PLB1: variants seen among roughly 807,000 people sequenced by gnomAD.
PLB1 encodes the protein phospholipase B1, membrane-associated.
Under a neutral mutation model 227.4 loss-of-function variants are expected in PLB1, and 242 were observed. The ratio of observed to expected loss-of-function variants is 1.06; its 90% CI spans 0.96 to 1.18. PLB1 has a LOEUF of 1.18. Among genes scored for constraint, PLB1 ranks in the 50% most tolerant of loss-of-function variants. PLB1 has a pLI of 0.00. For synonymous variants in PLB1, 757 were observed against 682.2 expected (o/e 1.11, Z -1.71); for missense variants, 1,858 against 1,816.3 (o/e 1.02, Z -0.42).
intron 11 of PLB1, among the ~76,000 whole-genome samples, chr2:28,539,918 C>G (rs1672230469): frequency 6.6e-6 from 1 of 151,256 alleles, no homozygotes; most frequent in African/African-American, 2.4e-5. Context: ...ATATCTACCC[C>G]CCAGGAAAAG....
At chr2:28,621,666 A>G (rs1429517621) in intron 49 of PLB1, among the ~76,000 whole-genome samples, 9 of 152,190 alleles carry the variant, frequency 5.9e-5, no homozygotes, top group Admixed American at 5.2e-4. Context: ...GGGAAACGAC[A>G]CTGGCTTGAC....
rs1430234145 is a variant in PLB1 at position 28,585,816 on chromosome 2, C to T, written c.1789C>T (p.Leu597Phe). The T allele has an allele frequency of 6.2e-7, 1 of 1,611,588 alleles. No homozygotes were observed. Among genetic ancestry groups the T allele is most frequent in the South Asian group, 1.1e-5 (1 of 91,016 alleles). The change falls in exon 26 of 58, where the codon CTC (leucine) becomes TTC (phenylalanine). Residue 597 changes from leucine to phenylalanine, a missense_variant. Coordinates refer to ENST00000327757, the MANE Select transcript of PLB1 (RefSeq NM_153021.5). ...FDDNSTELAT[L>F]IEFNKKFQEK... ...TGATAACTCAACAGAACTTGCTACC[C>T]TCATCGAATTCAACAAGAAGTTTCA...
chr2:28,618,243 G>A, intron 45 of PLB1, 98 bp from the exon 46 acceptor site: 1 of 1,097,132 alleles, frequency 9.1e-7, no homozygotes, highest in African/African-American at 1.5e-5. Flanking sequence ...GTACAATGGG[G>A]AGCAGTGGGA....
At position 28,603,959 on chromosome 2, in the gene PLB1, T is replaced by C; in HGVS notation, c.2775-7T>C. On this transcript the variant is annotated splice_region_variant and splice_polypyrimidine_tract_variant and intron_variant, in intron 39 of 57. Transcript: ENST00000327757. ...CTGGGGCCTCCTGCCTCCCCCTCTTTGTGCAGCGTTTTGTGTAACTGCGTT... is the reference window on the plus strand; with the variant it reads ...CTGGGGCCTCCTGCCTCCCCCTCTTCGTGCAGCGTTTTGTGTAACTGCGTT... 6.2e-7 allele frequency: 1 copy of C among 1,613,948 alleles called. No individual in the cohort carries two copies. The highest frequency in any genetic ancestry group is 8.5e-7 in the Non-Finnish European group (1 of 1,179,806).
chr2:28,544,126 G>A (rs1202365559), intron 14 of PLB1, among the ~76,000 whole-genome samples: 1 of 152,210 alleles, frequency 6.6e-6, no homozygotes, highest in African/African-American at 2.4e-5. Flanking sequence ...CAGCACACAT[G>A]AGCCAGTGTG....
chr2:28,566,622 G>A, intron 19 of PLB1, 174 bp from the exon 20 acceptor site: 1 of 628,554 alleles, frequency 1.6e-6, no homozygotes, highest in Non-Finnish European at 2.9e-6. Flanking sequence ...TATGGGGAGG[G>A]GAGTCGTATT....
At position 28,601,968 on chromosome 2, in the gene PLB1, G is replaced by T. The variant is rs369271747; in HGVS notation, c.2673+4G>T. 9 of 1,608,424 alleles carry T rather than the reference G, an allele frequency of 5.6e-6. No individual in the cohort carries two copies. The highest frequency in any genetic ancestry group is 7.7e-6 in the Non-Finnish European group (9 of 1,174,954). On this transcript the variant is annotated splice_donor_region_variant and intron_variant, in intron 38 of 57. Coordinates refer to ENST00000327757, the MANE Select transcript of PLB1 (RefSeq NM_153021.5). ...CTTGGACGTCCTGCATAGAGAGGTG[G>T]GTGGGGGGCTTCCACAAGCTGGTAA...
intron 54 of PLB1, among the ~76,000 whole-genome samples, chr2:28,631,648 C>T (rs576540930): frequency 6.6e-6 from 1 of 152,274 alleles, no homozygotes; most frequent in Non-Finnish European, 1.5e-5. Context: ...GACCTGCAGC[C>T]CCATGTTCTA....
Position 28,550,016 on chromosome 2 carries a change from C to T in PLB1, c.1015C>T (p.Pro339Ser), listed in dbSNP as rs758404322. The T allele has an allele frequency of 1.9e-5, 30 of 1,612,650 alleles. No individual in the cohort carries two copies. The highest frequency in any genetic ancestry group is 2.5e-5 in the Non-Finnish European group (29 of 1,178,864). ...RPMKCPSQES[P>S]YLFSYRNSNY... ...ATGTCACCTTTCCCTGCAGGAGAGC[C>T]CCTATCTGTTCAGCTACAGAAACAG... Residue 339 changes from proline to serine, a missense_variant, in exon 16 of 58, where the codon CCC becomes TCC. By Grantham distance (74) the Pro-to-Ser change is moderately conservative. Coordinates refer to ENST00000327757, the MANE Select transcript of PLB1 (RefSeq NM_153021.5).
chr2:28,543,829 C>A (rs955016099), intron 14 of PLB1, among the ~76,000 whole-genome samples: 2 of 152,226 alleles, frequency 1.3e-5, no homozygotes, highest in Admixed American at 6.5e-5. Flanking sequence ...CTGTAGTAAG[C>A]ACTCCACGTG....
chr2:28,509,872 T>C (rs1207937796), intron 1 of PLB1, among the ~76,000 whole-genome samples: 1 of 152,126 alleles, frequency 6.6e-6, no homozygotes, highest in Non-Finnish European at 1.5e-5. Flanking sequence ...GCACTGTACC[T>C]GGTGAAAGCA....
chr2:28,498,250 G>A (rs1666707400), intron 1 of PLB1, among the ~76,000 whole-genome samples: 2 of 151,590 alleles, frequency 1.3e-5, no homozygotes, highest in African/African-American at 4.8e-5. Flanking sequence ...TTGAGATAGA[G>A]TCTCACTCTG....
intron 44 of PLB1, 66 bp from the exon 45 acceptor site, chr2:28,617,661 T>C: frequency 6.6e-7 from 1 of 1,511,976 alleles, no homozygotes. Context: ...TGGTTCTTCT[T>C]GGGCTGAAGC....
At chr2:28,606,436 A>C in intron 42 of PLB1, 60 bp from the exon 43 acceptor site, 1 of 1,506,358 alleles carries the variant, frequency 6.6e-7, no homozygotes, top group Non-Finnish European at 9.2e-7. Flanking sequence ...CTGCCAGGGA[A>C]TGTTCACTTC....
Position 28,619,615 on chromosome 2 carries a change from A to ATG in PLB1, c.3316-648_3316-647dup, listed in dbSNP as rs531586662. On this transcript the variant is annotated intron_variant, in intron 46 of 57. Coordinates refer to ENST00000327757, the MANE Select transcript of PLB1 (RefSeq NM_153021.5). ...AGGGTCTTAGAGAACGAATTTGGAA[A>ATG]TGTAAGCTGCTGGAAAGGAGGGAGT... Among the ~76,000 whole-genome samples, 243 of 151,370 alleles carry ATG rather than the reference A, an allele frequency of 1.6e-3. No homozygotes were observed. In the Middle Eastern group the frequency reaches 0.021, roughly 13 times the overall value.
In PLB1 at chr2:28,589,469, T is replaced by C. The variant is rs1010783782; in HGVS notation, c.1835T>C (p.Ile612Thr). The change falls in exon 27 of 58, where the codon ATT (isoleucine) becomes ACT (threonine). Residue 612 changes from isoleucine to threonine, a missense_variant. By Grantham distance (89) the Ile-to-Thr change is moderately conservative. Transcript: ENST00000327757. ...CTGCAGGAGAAGACCCACCAACTGATTGAGAGTGGGCGATATGACACAAGG... is the reference window on the plus strand; with the variant it reads ...CTGCAGGAGAAGACCCACCAACTGACTGAGAGTGGGCGATATGACACAAGG... ...KKFQEKTHQL[I>T]ESGRYDTRED... 12 of 1,614,090 alleles carry C rather than the reference T, an allele frequency of 7.4e-6. No individual in the cohort carries two copies. The highest frequency in any genetic ancestry group is 1.0e-5 in the Non-Finnish European group (12 of 1,179,942).
At chr2:28,524,248 G>C (rs1027227196) in intron 4 of PLB1, among the ~76,000 whole-genome samples, 4 of 152,064 alleles carry the variant, frequency 2.6e-5, no homozygotes, top group Admixed American at 1.3e-4. Context: ...TTTTGAGAGA[G>C]AAAATTCACA....
intron 44 of PLB1, among the ~76,000 whole-genome samples, chr2:28,615,660 T>C (rs1534480): frequency 0.93 from 141,100 of 152,290 alleles, 65,514 homozygotes; most frequent in African/African-American, 0.98. Flanking sequence ...AGAATTGAAA[T>C]GTCAGCTGCA....
chr2:28,515,303 G>C (rs1471548604), intron 1 of PLB1, among the ~76,000 whole-genome samples: 3 of 152,134 alleles, frequency 2.0e-5, no homozygotes, highest in African/African-American at 7.2e-5. Flanking sequence ...GACTAGCCTG[G>C]CATTTGTGGC....
Sources: gnomAD v4.1 joint callset for allele counts (sites outside exome capture counted in the v4.1 genomes callset) on GRCh38, gnomAD v4.1.1 for gene constraint, MANE v1.5 for transcripts, NCBI Gene and HGNC (gene_info 2026-07-23, HGNC 2026-07-21) for gene names.